The following UNC80 variants were observed in gnomAD, a reference collection of about 807,000 sequenced individuals.
UNC80 encodes the protein protein unc-80 homolog.
UNC80 carries 164 observed loss-of-function variants against 384.6 expected under a neutral mutation model. That is an observed-to-expected ratio of 0.43 (90% CI 0.38 to 0.49). The LOEUF (loss-of-function observed/expected upper bound fraction) is 0.49. Ranked by LOEUF, UNC80 falls within the 20% of genes least tolerant of loss-of-function variation. UNC80 has a pLI of 0.00. For synonymous variants in UNC80, 1,486 were observed against 1,527.8 expected (o/e 0.97, Z 0.64); for missense variants, 3,330 against 4,143.0 (o/e 0.80, Z 5.39).
rs1263562958 is a variant in UNC80, at chr2:209,939,649, C to CAAGGT, written c.6645_6646+3dup. On this transcript the variant is annotated frameshift_variant, in exon 43 of 65. Coordinates refer to ENST00000673920, the MANE Select transcript of UNC80 (RefSeq NM_001371986.1). LOFTEE classifies it high-confidence loss of function. ...TGAGTTTTCACTCTTCAGTGATCCT[C>CAAGGT]AAGGTATCAAACAAAGAAACATTGC... 1.9e-6 allele frequency: 3 copies of CAAGGT among 1,545,492 alleles called. No homozygotes were observed. In the African/African-American group the frequency reaches 4.1e-5, roughly 21 times the overall value.
intron 21 of UNC80, among the ~76,000 whole-genome samples, chr2:209,848,845 T>C (rs2082329999): frequency 1.3e-5 from 2 of 152,144 alleles, no homozygotes; most frequent in South Asian, 2.1e-4. Context: ...TGGTGCACTG[T>C]CATGGTAAAC....
chr2:209,772,978 G>T, intron 1 of UNC80, 116 bp from the exon 2 acceptor site: 1 of 797,458 alleles, frequency 1.3e-6, no homozygotes, highest in South Asian at 1.8e-5. Context: ...CTATAAGGAA[G>T]CATGAAATTT....
rs942497251 is a variant in UNC80, at chr2:209,945,826, C to G, written c.7190-21C>G. The G allele has an allele frequency of 4.6e-6, 7 of 1,528,100 alleles. No individual in the cohort carries two copies. In the Admixed American group the frequency reaches 5.9e-5, roughly 13 times the overall value. 94.7% of individuals were successfully genotyped at this position (1,528,100 alleles called of 1,614,324 possible). On this transcript the variant is annotated intron_variant, in intron 46 of 64. Coordinates refer to ENST00000673920, the MANE Select transcript of UNC80 (RefSeq NM_001371986.1). ...TGCAAAATCCACTCTGATAGTTTGC[C>G]TTTACTTTTTGTTCCTTCAGATTTC...
chr2:209,882,243 G>A (rs929073732), intron 25 of UNC80, among the ~76,000 whole-genome samples: 1 of 152,042 alleles, frequency 6.6e-6, no homozygotes, highest in Non-Finnish European at 1.5e-5. Flanking sequence ...TAGGATTAAG[G>A]TGTGAGCCAC....
At chr2:209,871,173 C>T (rs1285668422) in intron 22 of UNC80, among the ~76,000 whole-genome samples, 1 of 152,180 alleles carries the variant, frequency 6.6e-6, no homozygotes, top group African/African-American at 2.4e-5. Flanking sequence ...TAATATCCCA[C>T]TTTAAGTATT....
chr2:209,876,605 G>A (rs1559246032), intron 23 of UNC80, among the ~76,000 whole-genome samples: 1 of 152,046 alleles, frequency 6.6e-6, no homozygotes, highest in Non-Finnish European at 1.5e-5. Flanking sequence ...TCCCTTTTGA[G>A]TCTCACTATT....
intron 22 of UNC80, among the ~76,000 whole-genome samples, chr2:209,859,007 G>A (rs2083154188): frequency 6.6e-6 from 1 of 151,918 alleles, no homozygotes; most frequent in South Asian, 2.1e-4. Context: ...TTCCCTTTAT[G>A]TTTATAGAAA....
chr2:209,824,502 A>G (rs2080367965), intron 13 of UNC80, among the ~76,000 whole-genome samples: 2 of 152,162 alleles, frequency 1.3e-5, no homozygotes, highest in Non-Finnish European at 2.9e-5. Context: ...AACACACCCC[A>G]GGTCCCTTTA....
chr2:209,823,078 A>G (rs1267863061), intron 13 of UNC80, among the ~76,000 whole-genome samples: 1 of 152,180 alleles, frequency 6.6e-6, no homozygotes, highest in African/African-American at 2.4e-5. Flanking sequence ...TAATTTTGCA[A>G]CTTAGTAATA....
At chr2:209,808,719 C>T (rs1480870878) in intron 7 of UNC80, 3 of 91,700 alleles carry the variant, frequency 3.3e-5, no homozygotes, top group Non-Finnish European at 6.8e-5. Context: ...GGAGCGGCTG[C>T]ACTCATTGCT....
At chr2:209,934,493 G>A (rs1455277475) in intron 39 of UNC80, among the ~76,000 whole-genome samples, 1 of 152,104 alleles carries the variant, frequency 6.6e-6, no homozygotes, top group Non-Finnish European at 1.5e-5. Flanking sequence ...TTTTCACTTC[G>A]GATAGCTTGT....
chr2:209,842,217 G>T lies in UNC80; in HGVS notation c.3358-133G>T, dbSNP rs138467683. 3.2e-5 allele frequency: 21 copies of T among 647,152 alleles called. No individual in the cohort carries two copies. In the African/African-American group the frequency reaches 3.6e-4, roughly 11 times the overall value. 40.1% of individuals were successfully genotyped at this position (647,152 alleles called of 1,614,324 possible). ...ACACTGATGACCAAACTAACCAGATGTGGAAGCCAGAAGAGCAAAGTAATA... is the reference window on the plus strand; with the variant it reads ...ACACTGATGACCAAACTAACCAGATTTGGAAGCCAGAAGAGCAAAGTAATA... On this transcript the variant is annotated intron_variant, in intron 20 of 64. Coordinates refer to ENST00000673920, the MANE Select transcript of UNC80 (RefSeq NM_001371986.1).
At chr2:209,956,571 T>TA (rs1553613954) in intron 48 of UNC80, among the ~76,000 whole-genome samples, 8 of 150,382 alleles carry the variant, frequency 5.3e-5, no homozygotes, top group Admixed American at 1.3e-4. Flanking sequence ...CTTTTTTTTT[T>TA]AAATTTTTTA....
At chr2:209,899,703 G>T (rs375253337) in intron 28 of UNC80, among the ~76,000 whole-genome samples, 6 of 152,122 alleles carry the variant, frequency 3.9e-5, no homozygotes, top group South Asian at 2.1e-4. Context: ...AGAGTCTGGG[G>T]TATGTCACAG....
At chr2:209,786,879 A>G (rs1309674257) in intron 5 of UNC80, among the ~76,000 whole-genome samples, 1 of 151,554 alleles carries the variant, frequency 6.6e-6, no homozygotes, top group Non-Finnish European at 1.5e-5. Context: ...CCTGCTTTAT[A>G]GTAAGTGCTT....
At chr2:209,842,927 C>T (rs1463219386) in intron 21 of UNC80, among the ~76,000 whole-genome samples, 1 of 152,210 alleles carries the variant, frequency 6.6e-6, no homozygotes, top group Non-Finnish European at 1.5e-5. Context: ...ACATACTTAT[C>T]CACAAATTTG....
intron 23 of UNC80, among the ~76,000 whole-genome samples, chr2:209,873,673 T>C (rs1300334940): frequency 6.6e-6 from 1 of 152,222 alleles, no homozygotes; most frequent in Non-Finnish European, 1.5e-5. Flanking sequence ...TAGACAGAGC[T>C]GAACATAAAC....
chr2:209,795,804 T>G (rs1482772954), intron 7 of UNC80: 2 of 152,312 alleles, frequency 1.3e-5, no homozygotes, highest in African/African-American at 2.4e-5. Flanking sequence ...CGCCTATATT[T>G]CAGAAGATAT....
Position 209,820,351 on chromosome 2 carries a change from T to C in UNC80, c.2003T>C (p.Ile668Thr). 1 of 1,550,976 alleles carries C rather than the reference T, an allele frequency of 6.4e-7. No homozygotes were observed. Among genetic ancestry groups the C allele is most frequent in the East Asian group, 2.4e-5 (1 of 40,924 alleles). Reference sequence around the variant, plus strand: ...GTTTATCTTGTCCTTAATCATGACATCAGCTCTCGTATCTGTGACGTGGCG... The same window carrying C: ...GTTTATCTTGTCCTTAATCATGACACCAGCTCTCGTATCTGTGACGTGGCG... The part of the protein sequence containing the change: ...KAVYLVLNHD[I>T]SSRICDVALN... Residue 668 changes from isoleucine to threonine, a missense_variant, in exon 13 of 65, where the codon ATC (isoleucine) becomes ACC (threonine). Coordinates refer to ENST00000673920, the MANE Select transcript of UNC80 (RefSeq NM_001371986.1).
Sources: allele counts gnomAD v4.1 joint callset (sites outside exome capture counted in the v4.1 genomes callset), GRCh38; gene constraint gnomAD v4.1.1; transcripts MANE v1.5; gene names NCBI Gene and HGNC (gene_info 2026-07-23, HGNC 2026-07-21).